The following EML6 variants were observed in gnomAD, a reference collection of about 807,000 sequenced individuals.
EML6 encodes EMAP like 6.
EML6 carries 154 observed loss-of-function variants against 240.1 expected under a neutral mutation model. The observed-to-expected ratio is 0.64, with a 90% CI of 0.56 to 0.73. The LOEUF (loss-of-function observed/expected upper bound fraction) is 0.73. EML6 is among the 30% of genes least tolerant of loss of function. The pLI is 0.00. For missense variants in EML6, 2,964 were observed against 2,474.6 expected, an observed-to-expected ratio of 1.20 and a Z score of -4.20; for synonymous variants, 1,148 against 899.0, an observed-to-expected ratio of 1.28 and a Z score of -4.95.
At chr2:54,881,801 T>G (rs1402894923) in intron 17 of EML6, 1 of 152,252 alleles carries the variant, frequency 6.6e-6, no homozygotes, top group Non-Finnish European at 1.5e-5. Flanking sequence ...CCCCTCACTT[T>G]ACACTTCTGT....
intron 30 of EML6, among the ~76,000 whole-genome samples, chr2:54,951,525 A>G (rs555849456): frequency 6.8e-6 from 1 of 147,916 alleles, no homozygotes; most frequent in East Asian, 2.0e-4. Context: ...AGCCTGAGCA[A>G]CAGAGGGAGA....
At chr2:54,930,681 G>A (rs1234051817) in intron 28 of EML6, among the ~76,000 whole-genome samples, 1 of 152,186 alleles carries the variant, frequency 6.6e-6, no homozygotes, top group Admixed American at 6.5e-5. Flanking sequence ...CTTTTCTGTA[G>A]AGAGCAGCTT....
chr2:54,810,634 T>C (rs754426277), intron 2 of EML6, among the ~76,000 whole-genome samples: 5 of 152,220 alleles, frequency 3.3e-5, no homozygotes, highest in Non-Finnish European at 7.3e-5. Flanking sequence ...CTTCATTTTC[T>C]AGTCCCTGGG....
At chr2:54,824,059 C>G (rs1668470163) in intron 5 of EML6, among the ~76,000 whole-genome samples, 1 of 152,106 alleles carries the variant, frequency 6.6e-6, no homozygotes, top group Non-Finnish European at 1.5e-5. Flanking sequence ...CTATAGAGCT[C>G]TTTACACTGA....
At chr2:54,869,404 G>C (rs1260692503) in intron 15 of EML6, 37 bp downstream of exon 15, 6 of 1,434,048 alleles carry the variant, frequency 4.2e-6, no homozygotes, top group African/African-American at 1.4e-5. Flanking sequence ...TAGCCAAAAA[G>C]AGAATTTAAT....
chr2:54,751,868 CTT>C (rs1307396028), intron 2 of EML6, among the ~76,000 whole-genome samples: 3 of 152,152 alleles, frequency 2.0e-5, no homozygotes, highest in African/African-American at 7.2e-5. Context: ...GAGGATGAAA[CTT>C]TTATCATCCA....
Position 54,954,584 on chromosome 2 carries a change from A to G in EML6, c.4486+428A>G, listed in dbSNP as rs146364912. 7.2e-5 allele frequency among the ~76,000 whole-genome samples: 11 copies of G among 151,888 alleles called. No individual in the cohort carries two copies. In the East Asian group the frequency reaches 2.1e-3, roughly 29 times the overall value. On this transcript the variant is annotated intron_variant, in intron 32 of 41. Coordinates refer to ENST00000356458, the MANE Select transcript of EML6 (RefSeq NM_001039753.4). The stretch of plus-strand genomic sequence containing the variant: ...TTAGGAAATGGGATCATGTTTTATC[A>G]TAGTCTCAGAAACATTTAAATTTTT...
At chr2:54,875,125 C>T (rs1671440429) in intron 16 of EML6, among the ~76,000 whole-genome samples, 1 of 152,152 alleles carries the variant, frequency 6.6e-6, no homozygotes, top group African/African-American at 2.4e-5. Flanking sequence ...TGTCCATCTG[C>T]CCTTCCCACC....
intron 2 of EML6, among the ~76,000 whole-genome samples, chr2:54,803,748 G>A (rs1390014014): frequency 6.6e-6 from 1 of 152,064 alleles, no homozygotes; most frequent in Non-Finnish European, 1.5e-5. Flanking sequence ...TTTAAGTGAC[G>A]AGCCACATGG....
At chr2:54,892,716 C>T (rs1653290925) in intron 19 of EML6, 60 bp downstream of exon 19, 1 of 1,350,588 alleles carries the variant, frequency 7.4e-7, no homozygotes, top group Non-Finnish European at 1.0e-6. Context: ...ATAAGGTAGT[C>T]TTAGGATGGC....
intron 24 of EML6, among the ~76,000 whole-genome samples, chr2:54,908,947 C>A (rs749328672): frequency 1.3e-5 from 2 of 152,174 alleles, no homozygotes; most frequent in Non-Finnish European, 2.9e-5. Flanking sequence ...AAGCTGTCTA[C>A]AATGCTACAC....
chr2:54,792,439 C>A (rs79641545), intron 2 of EML6, among the ~76,000 whole-genome samples: 4,929 of 152,276 alleles, frequency 0.032, 117 homozygotes, highest in Admixed American at 0.079. Context: ...GATGCCCCTG[C>A]AATCTCACTC....
intron 17 of EML6, chr2:54,880,804 TAC>T (rs1161010526): frequency 3.3e-5 from 5 of 152,206 alleles, no homozygotes; most frequent in Non-Finnish European, 7.3e-5. Context: ...TCTGATAATA[TAC>T]CATCTGCCTT....
Position 54,968,289 on chromosome 2 carries a change from T to C in EML6, c.5751+8T>C. ...CCATGCACAGAAAAATTTGTGAGTG[T>C]TCCTCAGAGTAACCTCCCTGCAGGT... On this transcript the variant is annotated splice_region_variant and intron_variant, in intron 40 of 41. Transcript: ENST00000356458. 1.3e-6 allele frequency: 2 copies of C among 1,551,674 alleles called. No individual in the cohort carries two copies. Among genetic ancestry groups the C allele is most frequent in the Non-Finnish European group, 1.7e-6 (2 of 1,146,966 alleles).
chr2:54,862,273 G>A (rs890558385), intron 12 of EML6, among the ~76,000 whole-genome samples: 11 of 142,896 alleles, frequency 7.7e-5, no homozygotes, highest in African/African-American at 2.9e-4. Flanking sequence ...GGGAGGTGAA[G>A]GTTGCAGTGA....
At chr2:54,862,338 TAAA>T (rs35834327) in intron 12 of EML6, among the ~76,000 whole-genome samples, 2,116 of 37,508 alleles carry the variant, frequency 0.056, 50 homozygotes, top group African/African-American at 0.18. Flanking sequence ...ACTCCATCTC[TAAA>T]AAAAAAAAAA....
At chr2:54,855,871 G>T (rs953961598) in intron 11 of EML6, among the ~76,000 whole-genome samples, 6 of 152,162 alleles carry the variant, frequency 3.9e-5, no homozygotes, top group Non-Finnish European at 5.9e-5. Flanking sequence ...AGCAGTTGGT[G>T]GAATGTGTCT....
At chr2:54,949,315 C>T (rs1051990100) in intron 29 of EML6, among the ~76,000 whole-genome samples, 1 of 152,220 alleles carries the variant, frequency 6.6e-6, no homozygotes, top group African/African-American at 2.4e-5. Flanking sequence ...AGCACATATT[C>T]ACCGTCTCTA....
Position 54,892,510 on chromosome 2 carries a change from A to G in EML6, c.2596A>G (p.Met866Val). Reference protein sequence around the residue: ...TFGSVGKLETMMCVSYGRMED... With the variant: ...TFGSVGKLETVMCVSYGRMED... ...TGGAAGCGTTGGAAAATTGGAAACA[A>G]TGATGTGTGTTTCTTACGGACGAAT... The change falls in exon 19 of 42, where the codon ATG becomes GTG. Residue 866 changes from methionine (M) to valine (V), a missense_variant. Physicochemically the swap from Met to Val is conservative, Grantham distance 21. Coordinates refer to ENST00000356458, the MANE Select transcript of EML6 (RefSeq NM_001039753.4). The G allele has an allele frequency of 1.3e-6, 2 of 1,551,422 alleles. No individual in the cohort carries two copies. Among genetic ancestry groups the G allele is most frequent in the Middle Eastern group, 3.3e-4 (2 of 5,990 alleles).
Sources: allele counts gnomAD v4.1 joint callset (sites outside exome capture counted in the v4.1 genomes callset), GRCh38; gene constraint gnomAD v4.1.1; transcripts MANE v1.5; gene names NCBI Gene and HGNC (gene_info 2026-07-23, HGNC 2026-07-21).